Variants in PPP2R2D observed in about 807,000 individuals in gnomAD.
PPP2R2D encodes the protein serine/threonine-protein phosphatase 2A 55 kDa regulatory subunit B delta isoform.
In PPP2R2D, 9 loss-of-function variants were observed where a neutral mutation model predicts 31.1. That is an observed-to-expected ratio of 0.29 (90% CI 0.17 to 0.51). PPP2R2D has a LOEUF of 0.51. PPP2R2D is among the 20% of genes least tolerant of loss of function. The probability of loss-of-function intolerance (pLI) is 0.98; values close to 1 mark genes in which losing one functional copy is unlikely to be tolerated. For synonymous variants in PPP2R2D, 179 were observed against 172.6 expected (o/e 1.04, Z -0.29); for missense variants, 391 against 465.6 (o/e 0.84, Z 1.48).
intron 2 of PPP2R2D, among the ~76,000 whole-genome samples, chr10:131,902,113 A>G (rs2035510128): frequency 6.6e-6 from 1 of 152,210 alleles, no homozygotes; most frequent in South Asian, 2.1e-4. Flanking sequence ...CCTTAAAGTT[A>G]AAAAGCTATG....
chr10:131,914,866 G>A (rs1320145153), intron 2 of PPP2R2D, among the ~76,000 whole-genome samples: 1 of 152,122 alleles, frequency 6.6e-6, no homozygotes, highest in African/African-American at 2.4e-5. Flanking sequence ...ATTATTTTAT[G>A]TTCCACACCA....
At chr10:131,908,182 A>G (rs928285236) in intron 2 of PPP2R2D, among the ~76,000 whole-genome samples, 1 of 152,206 alleles carries the variant, frequency 6.6e-6, no homozygotes, top group Non-Finnish European at 1.5e-5. Flanking sequence ...TACCTGCTTC[A>G]TGTCCATCTA....
In PPP2R2D at chr10:131,916,772, G is replaced by A. The variant is rs2035796172; in HGVS notation, c.100+15442G>A. 2.0e-5 allele frequency among the ~76,000 whole-genome samples: 3 copies of A among 150,028 alleles called. No homozygotes were observed. The South Asian group carries it at 6.3e-4, about 31-fold the overall frequency. ...CCTCAGGCGGGTGGAATGACACAGT[G>A]TAGGGACCTCACGCAGGTGGAATGA... On this transcript the variant is annotated intron_variant, in intron 2 of 8. Coordinates refer to ENST00000455566, the MANE Select transcript of PPP2R2D (RefSeq NM_018461.5).
intron 2 of PPP2R2D, among the ~76,000 whole-genome samples, chr10:131,914,164 G>A (rs1414839044): frequency 6.6e-6 from 1 of 152,216 alleles, no homozygotes; most frequent in East Asian, 1.9e-4. Flanking sequence ...TAAGTGGGTG[G>A]TGAGTAAAAG....
chr10:131,944,885 G>A (rs566681563), intron 6 of PPP2R2D, among the ~76,000 whole-genome samples: 2 of 152,324 alleles, frequency 1.3e-5, no homozygotes, highest in Non-Finnish European at 2.9e-5. Flanking sequence ...ATGTCAGGAA[G>A]AGCAGCATCT....
chr10:131,917,742 GAC>G (rs1316040528), intron 2 of PPP2R2D, among the ~76,000 whole-genome samples: 2 of 126,302 alleles, frequency 1.6e-5, no homozygotes, highest in African/African-American at 3.1e-5. Flanking sequence ...TGGGTGGAAT[GAC>G]ACAGTATAGG....
At chr10:131,937,342 G>T (rs1241352918) in intron 3 of PPP2R2D, among the ~76,000 whole-genome samples, 1 of 152,186 alleles carries the variant, frequency 6.6e-6, no homozygotes, top group South Asian at 2.1e-4. Flanking sequence ...GTGGCTGTGC[G>T]GCCCACTGCC....
At chr10:131,910,013 G>A (rs1475446950) in intron 2 of PPP2R2D, among the ~76,000 whole-genome samples, 2 of 152,194 alleles carry the variant, frequency 1.3e-5, no homozygotes, top group South Asian at 2.1e-4. Flanking sequence ...TCTGCATTCC[G>A]TGTGTTCCAG....
rs2035480563 is a variant in PPP2R2D, at chr10:131,901,035, G to GCGGCGGCGGCGGCGGCGC, written c.-103_-102insGCGGCGCCGGCGGCGGCG. ...AAATCCCTCCCCGGCGGCGGCGGCGGCGGCGGCGGCGCCGGCGGTGGTGGC... is the reference window on the plus strand; with the variant it reads ...AAATCCCTCCCCGGCGGCGGCGGCGGCGGCGGCGGCGGCGGCGCCGGCGGCGGCGCCGGCGGTGGTGGC... On this transcript the variant is annotated 5_prime_UTR_variant, in exon 1 of 9. Transcript: ENST00000455566. The GCGGCGGCGGCGGCGGCGC allele has an allele frequency of 2.5e-5, 4 of 159,218 alleles. No individual in the cohort carries two copies. The highest frequency in any genetic ancestry group is 6.6e-5 in the Admixed American group (1 of 15,084). The allele number at this position is 159,218 out of a possible 1,614,324, so 9.9% of individuals were successfully genotyped here. A position where few individuals can be genotyped will look rare whatever the true frequency, so the allele number is the denominator to read the frequency against.
At chr10:131,902,561 T>C (rs1408254630) in intron 2 of PPP2R2D, among the ~76,000 whole-genome samples, 17 of 152,194 alleles carry the variant, frequency 1.1e-4, no homozygotes, top group Admixed American at 9.8e-4. Flanking sequence ...TAGGTGCATT[T>C]TATGTGATCT....
chr10:131,903,193 G>A (rs1266815430), intron 2 of PPP2R2D, among the ~76,000 whole-genome samples: 1 of 152,144 alleles, frequency 6.6e-6, no homozygotes, highest in African/African-American at 2.4e-5. Context: ...TGGGCCGGGT[G>A]TTGTGGCTCA....
At chr10:131,916,011 G>C (rs1050140487) in intron 2 of PPP2R2D, among the ~76,000 whole-genome samples, 1 of 152,178 alleles carries the variant, frequency 6.6e-6, no homozygotes, top group Non-Finnish European at 1.5e-5. Context: ...GATTATGAAG[G>C]TATCAGCATA....
intron 4 of PPP2R2D, 135 bp downstream of exon 4, chr10:131,940,331 C>G: frequency 1.7e-6 from 1 of 576,676 alleles, no homozygotes; most frequent in Non-Finnish European, 3.1e-6. Flanking sequence ...TCTAGGGTAG[C>G]AAGTGATAGG....
intron 3 of PPP2R2D, among the ~76,000 whole-genome samples, chr10:131,939,194 C>A (rs1554896850): frequency 0.37 from 2,571 of 6,982 alleles, 494 homozygotes; most frequent in East Asian, 0.57. Context: ...CGGCAGGCTG[C>A]ATTCGGCAGA....
chr10:131,920,423 G>T (rs1426610856), intron 2 of PPP2R2D, among the ~76,000 whole-genome samples: 1 of 152,160 alleles, frequency 6.6e-6, no homozygotes, highest in Non-Finnish European at 1.5e-5. Context: ...TCACGCGGGT[G>T]GAATGACACA....
chr10:131,917,708 A>T lies in PPP2R2D; in HGVS notation c.100+16378A>T, dbSNP rs1488795767. On this transcript the variant is annotated intron_variant, in intron 2 of 8. Transcript: ENST00000455566. ...AGTGTAGGGACCTCAGGCGGGTGGAATGACACAGTGTAGGGACCTCACGTG... is the reference window on the plus strand; with the variant it reads ...AGTGTAGGGACCTCAGGCGGGTGGATTGACACAGTGTAGGGACCTCACGTG... Among the ~76,000 whole-genome samples, 2 of 109,814 alleles carry T rather than the reference A, an allele frequency of 1.8e-5. 1 individual carries two copies. Among genetic ancestry groups the T allele is most frequent in the Admixed American group, 2.1e-4 (2 of 9,682 alleles). 72.0% of individuals were successfully genotyped at this position (109,814 alleles called of 152,430 possible).
chr10:131,963,780 A>G (rs1299548497), downstream of PPP2R2D, among the ~76,000 whole-genome samples: 2 of 152,154 alleles, frequency 1.3e-5, no homozygotes, highest in Non-Finnish European at 2.9e-5. Context: ...TGTACTTTGA[A>G]TAATTTTGAA....
chr10:131,955,911 T>C lies in PPP2R2D; in HGVS notation c.1310T>C (p.Ile437Thr). ...GCCTGGCACCCCGTGGACAATGTCATTGCCGTGGCTGCCACCAATAACTTG... is the reference window on the plus strand; with the variant it reads ...GCCTGGCACCCCGTGGACAATGTCACTGCCGTGGCTGCCACCAATAACTTG... Reference protein sequence around the residue: ...HTAWHPVDNVIAVAATNNLYI... With the variant: ...HTAWHPVDNVTAVAATNNLYI... The change falls in exon 9 of 9, where the codon ATT (isoleucine) becomes ACT (threonine). Residue 437 changes from isoleucine (I) to threonine (T), a missense_variant. Physicochemically the swap from Ile to Thr is moderately conservative, Grantham distance 89. This residue lies in a region of PPP2R2D where 163 missense variants were observed against 179.5 expected (regional missense o/e 0.91). Coordinates refer to ENST00000455566, the MANE Select transcript of PPP2R2D (RefSeq NM_018461.5). 6.3e-7 allele frequency: 1 copy of C among 1,587,548 alleles called. No individual in the cohort carries two copies. Among genetic ancestry groups the C allele is most frequent in the Non-Finnish European group, 8.6e-7 (1 of 1,165,230 alleles).
chr10:131,960,489 T>A (rs2036908500), downstream of PPP2R2D, among the ~76,000 whole-genome samples: 1 of 152,180 alleles, frequency 6.6e-6, no homozygotes, highest in African/African-American at 2.4e-5. Flanking sequence ...TCAGTCTGAT[T>A]TTGGAGGCCA....
Sources: allele counts gnomAD v4.1 joint callset (sites outside exome capture counted in the v4.1 genomes callset), GRCh38; gene constraint gnomAD v4.1.1; regional missense constraint gnomAD v4.1.1; transcripts MANE v1.5; gene names NCBI Gene and HGNC (gene_info 2026-07-23, HGNC 2026-07-21).